Variants in LRRTM4 observed in about 807,000 individuals in gnomAD.
LRRTM4 encodes leucine rich repeat transmembrane neuronal 4, also known as leucine-rich repeat transmembrane neuronal protein 4.
In LRRTM4, 25 loss-of-function variants were observed where a neutral mutation model predicts 47.6. The ratio of observed to expected loss-of-function variants is 0.53; its 90% CI spans 0.38 to 0.73. The LOEUF (loss-of-function observed/expected upper bound fraction) is 0.73. Among genes scored for constraint, LRRTM4 ranks in the 30% least tolerant of loss-of-function variants. The pLI, the probability that LRRTM4 is intolerant of heterozygous loss-of-function variation, is 0.00. For synonymous variants in LRRTM4, 311 were observed against 269.5 expected, an observed-to-expected ratio of 1.15 and a Z score of -1.51; for missense variants, 638 against 713.4, an observed-to-expected ratio of 0.89 and a Z score of 1.20.
intron 3 of LRRTM4, among the ~76,000 whole-genome samples, chr2:77,223,361 C>T (rs1490178858): frequency 6.6e-6 from 1 of 152,052 alleles, no homozygotes; most frequent in Non-Finnish European, 1.5e-5. Context: ...CTGGCCAGGG[C>T]AATCAGGCAG....
chr2:77,046,766 A>C (rs72825328), intron 3 of LRRTM4, among the ~76,000 whole-genome samples: 1 of 152,156 alleles, frequency 6.6e-6, no homozygotes, highest in Non-Finnish European at 1.5e-5. Flanking sequence ...ATGTATATCT[A>C]TGCCCATCTC....
intron 3 of LRRTM4, among the ~76,000 whole-genome samples, chr2:77,089,713 C>A (rs1464199285): frequency 1.3e-5 from 2 of 151,760 alleles, no homozygotes; most frequent in Non-Finnish European, 2.9e-5. Context: ...TCAACTCACA[C>A]CTGACCTAAA....
chr2:77,172,132 T>A (rs749400949), intron 3 of LRRTM4, among the ~76,000 whole-genome samples: 1 of 152,292 alleles, frequency 6.6e-6, no homozygotes, highest in East Asian at 1.9e-4. Flanking sequence ...TCTTCACTGA[T>A]AAAAATCTAA....
intron 3 of LRRTM4, among the ~76,000 whole-genome samples, chr2:76,784,630 A>G (rs1674575875): frequency 6.6e-6 from 1 of 152,098 alleles, no homozygotes; most frequent in African/African-American, 2.4e-5. Flanking sequence ...ATGGGGCACC[A>G]CTGATTTTGA....
At position 77,428,537 on chromosome 2, in the gene LRRTM4, T is replaced by C. The variant is rs373210068; in HGVS notation, c.1551+89781A>G. ...ACTCATTTAATGTGAGAAGGACTCT[T>C]AGCCCACAGTAGAATATTGCCTTTT... On this transcript the variant is annotated intron_variant, in intron 3 of 3. Transcript: ENST00000409884. Among the ~76,000 whole-genome samples the C allele has an allele frequency of 2.8e-3, 425 of 152,348 alleles. 3 individuals are homozygous for C. The highest frequency in any genetic ancestry group is 5.1e-3 in the Non-Finnish European group (349 of 68,022).
At chr2:77,058,324 A>G (rs1434621733) in intron 3 of LRRTM4, among the ~76,000 whole-genome samples, 1 of 152,168 alleles carries the variant, frequency 6.6e-6, no homozygotes, top group African/African-American at 2.4e-5. Context: ...GCCTGAGGTC[A>G]GTGTGTAACA....
chr2:76,778,827 T>G (rs1674181831), intron 3 of LRRTM4, among the ~76,000 whole-genome samples: 1 of 151,160 alleles, frequency 6.6e-6, no homozygotes, highest in East Asian at 1.9e-4. Context: ...TGCTCTTGCT[T>G]TTCTAGTTCT....
intron 3 of LRRTM4, among the ~76,000 whole-genome samples, chr2:76,852,397 A>G (rs1289508685): frequency 6.6e-6 from 1 of 152,096 alleles, no homozygotes; most frequent in Non-Finnish European, 1.5e-5. Context: ...TGACTATGCA[A>G]ATTGTAGGCT....
chr2:77,276,766 C>T (rs1413091728), intron 3 of LRRTM4, among the ~76,000 whole-genome samples: 1 of 138,556 alleles, frequency 7.2e-6, no homozygotes, highest in Non-Finnish European at 1.5e-5. Context: ...TTATTTCTAA[C>T]CCTAGCTGCT....
At chr2:77,083,996 G>C (rs555464270) in intron 3 of LRRTM4, among the ~76,000 whole-genome samples, 1 of 151,070 alleles carries the variant, frequency 6.6e-6, no homozygotes, top group South Asian at 2.1e-4. Context: ...TAGTAGAGAC[G>C]GGGTTTCACC....
At chr2:76,927,751 C>T (rs1245073313) in intron 3 of LRRTM4, among the ~76,000 whole-genome samples, 1 of 152,076 alleles carries the variant, frequency 6.6e-6, no homozygotes, top group African/African-American at 2.4e-5. Context: ...TGATATTCTT[C>T]TTAAGAAACT....
intron 3 of LRRTM4, among the ~76,000 whole-genome samples, chr2:77,035,050 ATTT>A (rs549279745): frequency 4.5e-4 from 68 of 151,410 alleles, no homozygotes; most frequent in African/African-American, 9.7e-5. Context: ...TATTTTTATT[ATTT>A]TTTTTCTTAA....
At chr2:77,213,006 T>A (rs941122731) in intron 3 of LRRTM4, among the ~76,000 whole-genome samples, 1 of 151,954 alleles carries the variant, frequency 6.6e-6, no homozygotes, top group African/African-American at 2.4e-5. Flanking sequence ...TTGAAGATTT[T>A]TATCTGTCAA....
At chr2:77,123,997 T>G (rs542836630) in intron 3 of LRRTM4, among the ~76,000 whole-genome samples, 34 of 152,280 alleles carry the variant, frequency 2.2e-4, no homozygotes, top group African/African-American at 7.9e-4. Context: ...GTTTCCACTA[T>G]GGGCTAATGT....
At chr2:77,473,163 C>T (rs1055665255) in intron 3 of LRRTM4, among the ~76,000 whole-genome samples, 14 of 152,106 alleles carry the variant, frequency 9.2e-5, no homozygotes, top group East Asian at 7.7e-4. Flanking sequence ...CTTCCCTGCC[C>T]GTCTTCCTGG....
At chr2:76,948,895 C>T (rs1456257686) in intron 3 of LRRTM4, among the ~76,000 whole-genome samples, 2 of 151,720 alleles carry the variant, frequency 1.3e-5, no homozygotes, top group African/African-American at 4.8e-5. Context: ...AAGGAATATA[C>T]ATTTGGTGGA....
rs1259197505 is a variant in LRRTM4 at position 77,519,828 on chromosome 2, A to G, written c.41T>C (p.Val14Ala). Residue 14 changes from valine to alanine, a missense_variant, in exon 3 of 4, where the codon GTG becomes GCG. Coordinates refer to ENST00000409884, the MANE Select transcript of LRRTM4 (RefSeq NM_001134745.3). This position sits in a 1 kb window ranked among gnomAD's most constrained non-coding sequence, Gnocchi z 4.6. ...HLITQLKGMSVVLVLLPTLLL... is the reference protein window; with the variant it reads ...HLITQLKGMSAVLVLLPTLLL... ...CAGTGTAGGAAGTAGCACCAGCACC[A>G]CACTCATGCCTTTCAGCTGCGTAAT... The G allele has an allele frequency of 6.2e-7, 1 of 1,611,546 alleles. No homozygotes were observed. Among genetic ancestry groups the G allele is most frequent in the South Asian group, 1.1e-5 (1 of 90,920 alleles).
intron 3 of LRRTM4, among the ~76,000 whole-genome samples, chr2:77,165,913 C>T (rs967712822): frequency 1.3e-5 from 2 of 152,190 alleles, no homozygotes; most frequent in Non-Finnish European, 2.9e-5. Flanking sequence ...GACAGGGATG[C>T]CCTCTCTCAC....
intron 3 of LRRTM4, among the ~76,000 whole-genome samples, chr2:77,088,497 C>T (rs1680803772): frequency 6.6e-6 from 1 of 151,984 alleles, no homozygotes; most frequent in Non-Finnish European, 1.5e-5. Flanking sequence ...TGCCAGAGAA[C>T]AAACCCCCTT....
Sources: gnomAD v4.1 joint callset for allele counts (sites outside exome capture counted in the v4.1 genomes callset) on GRCh38, gnomAD v4.1.1 for gene constraint, Gnocchi (gnomAD v3.1) non-coding constraint, MANE v1.5 for transcripts, NCBI Gene and HGNC (gene_info 2026-07-23, HGNC 2026-07-21) for gene names.